DGKD: variants seen among roughly 807,000 people sequenced by gnomAD.
The protein encoded by DGKD is diacylglycerol kinase delta.
Under a neutral mutation model 154.4 loss-of-function variants are expected in DGKD, and 68 were observed. The ratio of observed to expected loss-of-function variants is 0.44; its 90% CI spans 0.36 to 0.54. The LOEUF is 0.54. Ranked by LOEUF, DGKD falls within the 20% of genes least tolerant of loss-of-function variation. The probability of loss-of-function intolerance (pLI) is 0.00; values close to 1 mark genes in which losing one functional copy is unlikely to be tolerated. For synonymous variants in DGKD, 693 were observed against 638.0 expected, an observed-to-expected ratio of 1.09 and a Z score of -1.30; for missense variants, 1,343 against 1,593.6, an observed-to-expected ratio of 0.84 and a Z score of 2.68.
At chr2:233,397,755 AG>A (rs2061454921) in intron 3 of DGKD, among the ~76,000 whole-genome samples, 1 of 151,196 alleles carries the variant, frequency 6.6e-6, no homozygotes, top group South Asian at 2.1e-4. Context: ...AAGGGGAGGG[AG>A]GTTTGTAGGA....
chr2:233,449,401 G>T lies in DGKD; in HGVS notation c.1888+25G>T. ...GGTAACTGGCCTTGTGATGAGGAGGGGCTTTCCTCAGGCCAGCACTGGGCA... is the reference window on the plus strand; with the variant it reads ...GGTAACTGGCCTTGTGATGAGGAGGTGCTTTCCTCAGGCCAGCACTGGGCA... On this transcript the variant is annotated intron_variant, in intron 15 of 29. Coordinates refer to ENST00000264057, the MANE Select transcript of DGKD (RefSeq NM_152879.3). The surrounding 1 kb of genome is among the most constrained non-coding windows in gnomAD (Gnocchi z 5.3). The T allele has an allele frequency of 1.3e-6, 2 of 1,579,094 alleles. No individual in the cohort carries two copies. Among genetic ancestry groups the T allele is most frequent in the Non-Finnish European group, 1.7e-6 (2 of 1,155,484 alleles).
rs962637395 is a variant in DGKD, at chr2:233,441,853, A to G, written c.1086-34A>G. Reference sequence around the variant, plus strand: ...GCCTGTCATTTGTCCTGTGGAATGGATGTCATTTCACGGCCTTTCTCTTTT... The same window carrying G: ...GCCTGTCATTTGTCCTGTGGAATGGGTGTCATTTCACGGCCTTTCTCTTTT... On this transcript the variant is annotated intron_variant, in intron 9 of 29. Coordinates refer to ENST00000264057, the MANE Select transcript of DGKD (RefSeq NM_152879.3). The surrounding 1 kb of genome is among the most constrained non-coding windows in gnomAD (Gnocchi z 5.6). 87 of 1,422,498 alleles carry G rather than the reference A, an allele frequency of 6.1e-5. No homozygotes were observed. The highest frequency in any genetic ancestry group is 7.7e-5 in the Non-Finnish European group (78 of 1,009,152). 88.1% of individuals were successfully genotyped at this position (1,422,498 alleles called of 1,614,324 possible). A position where few individuals can be genotyped will look rare whatever the true frequency, so the allele number is the denominator to read the frequency against.
Position 233,460,097 on chromosome 2 carries a change from C to T in DGKD, c.2830-97C>T, listed in dbSNP as rs6725412. ...AAAAAAAAAAAAGTCCTATTTGTCT[C>T]TTTCTAGTTGTGATCTCGTTGGCAT... On this transcript the variant is annotated intron_variant, in intron 23 of 29. Transcript: ENST00000264057. 6,003 of 1,516,136 alleles carry T rather than the reference C, an allele frequency of 4.0e-3. 213 individuals carry two copies. In the African/African-American group the frequency reaches 0.075, roughly 19 times the overall value. 93.9% of individuals were successfully genotyped at this position (1,516,136 alleles called of 1,614,324 possible). A position where few individuals can be genotyped will look rare whatever the true frequency, so the allele number is the denominator to read the frequency against.
rs553377934 is a variant in DGKD, at chr2:233,440,676, G to A, written c.1086-1211G>A. Among the ~76,000 whole-genome samples, 5 of 152,328 alleles carry A rather than the reference G, an allele frequency of 3.3e-5. No individual in the cohort carries two copies. The highest frequency in any genetic ancestry group is 1.2e-4 in the African/African-American group (5 of 41,578). ...GGCCAGGCCAGGCAGCAGCAGAAAG[G>A]TGGCACCTGCCGTCAGGGAGGGCTG... On this transcript the variant is annotated intron_variant, in intron 9 of 29. Transcript: ENST00000264057. This position sits in a 1 kb window ranked among gnomAD's most constrained non-coding sequence, Gnocchi z 4.9.
chr2:233,366,324 G>T (rs1177357691), intron 1 of DGKD, among the ~76,000 whole-genome samples: 1 of 152,226 alleles, frequency 6.6e-6, no homozygotes, highest in Non-Finnish European at 1.5e-5. Context: ...TGCAGTGAAA[G>T]ATGCTGGCAG....
At position 233,470,014 on chromosome 2, in the gene DGKD, C is replaced by G. The variant is rs188309228; in HGVS notation, c.*554C>G. 2.0e-5 allele frequency: 3 copies of G among 152,672 alleles called. No homozygotes were observed. In the East Asian group the frequency reaches 5.6e-4, roughly 29 times the overall value. The allele number at this position is 152,672 out of a possible 1,614,324, so 9.5% of individuals were successfully genotyped here. A position where few individuals can be genotyped will look rare whatever the true frequency, so the allele number is the denominator to read the frequency against. On this transcript the variant is annotated 3_prime_UTR_variant, in exon 30 of 30. Coordinates refer to ENST00000264057, the MANE Select transcript of DGKD (RefSeq NM_152879.3). ...TGGTTTGAAAGTAGCATGGATGTTT[C>G]CAGTCTTGTTGATTGTAATTTGACG... is the stretch of plus-strand genomic sequence containing the variant.
At chr2:233,412,879 C>A (rs984312218) in intron 3 of DGKD, among the ~76,000 whole-genome samples, 1 of 152,062 alleles carries the variant, frequency 6.6e-6, no homozygotes, top group Admixed American at 6.5e-5. Context: ...ATTAAAAGGG[C>A]AAATTAAATT....
chr2:233,424,226 T>C (rs2062216487), intron 3 of DGKD, among the ~76,000 whole-genome samples: 1 of 152,192 alleles, frequency 6.6e-6, no homozygotes, highest in Non-Finnish European at 1.5e-5. Context: ...CTTTGATCTT[T>C]TTTGTCATTT....
Position 233,446,741 on chromosome 2 carries a change from TC to T in DGKD, c.1369del (p.Arg457GlyfsTer55). The T allele has an allele frequency of 6.2e-7, 1 of 1,614,016 alleles. No individual in the cohort carries two copies. The highest frequency in any genetic ancestry group is 8.5e-7 in the Non-Finnish European group (1 of 1,180,010). On this transcript the variant is annotated frameshift_variant, in exon 12 of 30. Transcript: ENST00000264057. LOFTEE classifies it high-confidence loss of function. Reference sequence around the variant, plus strand: ...AGCGTCATGGCATACGAGGCCAAGCTCCCCCGGCAGGCCTCCTCCTCTACCG... The same window carrying T: ...AGCGTCATGGCATACGAGGCCAAGCTCCCCGGCAGGCCTCCTCCTCTACCG... ...RWSVMAYEAK[L>X]PRQASSSTVT...
chr2:233,410,313 C>G (rs374591236), intron 3 of DGKD, among the ~76,000 whole-genome samples: 1 of 152,132 alleles, frequency 6.6e-6, no homozygotes, highest in East Asian at 1.9e-4. Flanking sequence ...TGGGGTTTGT[C>G]CTGTGCCCGT....
rs781571982 is a variant in DGKD at position 233,459,837 on chromosome 2, A to G, written c.2775A>G (p.Pro925=). The G allele has an allele frequency of 1.2e-6, 2 of 1,614,124 alleles. No homozygotes were observed. The highest frequency in any genetic ancestry group is 1.7e-6 in the Non-Finnish European group (2 of 1,180,002). ...QVDGEAWVQP[P]GYIRIVHKNR... is the part of the protein sequence containing the mutation. Reference sequence around the variant, plus strand: ...ACGGAGAGGCCTGGGTCCAGCCGCCAGGGTACATTCGGATTGTCCACAAGA... The same window carrying G: ...ACGGAGAGGCCTGGGTCCAGCCGCCGGGGTACATTCGGATTGTCCACAAGA... Residue 925 remains proline, a synonymous_variant, in exon 23 of 30, where the codon CCA becomes CCG. Coordinates refer to ENST00000264057, the MANE Select transcript of DGKD (RefSeq NM_152879.3). This position sits in a 1 kb window ranked among gnomAD's most constrained non-coding sequence, Gnocchi z 5.7.
In DGKD at chr2:233,445,504, G is replaced by A. The variant is rs1037242010; in HGVS notation, c.1195-119G>A. 2 of 1,411,764 alleles carry A rather than the reference G, an allele frequency of 1.4e-6. No individual in the cohort carries two copies. The highest frequency in any genetic ancestry group is 5.0e-5 in the East Asian group (2 of 39,754). 87.5% of individuals were successfully genotyped at this position (1,411,764 alleles called of 1,614,324 possible). On this transcript the variant is annotated intron_variant, in intron 10 of 29. Transcript: ENST00000264057. This position sits in a 1 kb window ranked among gnomAD's most constrained non-coding sequence, Gnocchi z 5.5. The stretch of plus-strand genomic sequence containing the variant: ...GTAATGTGTAAGCTGCGTGGTTTTA[G>A]GTCACGTCCCCACATTGCTAACGTA...
intron 29 of DGKD, among the ~76,000 whole-genome samples, chr2:233,468,887 C>T (rs956444225): frequency 5.9e-5 from 9 of 152,252 alleles, no homozygotes; most frequent in African/African-American, 1.9e-4. Context: ...TGCTCCTGGG[C>T]GGGTGCTGCC....
intron 1 of DGKD, among the ~76,000 whole-genome samples, chr2:233,358,687 A>G (rs1347750799): frequency 6.6e-6 from 1 of 152,196 alleles, no homozygotes; most frequent in African/African-American, 2.4e-5. Context: ...AACTTAGCAT[A>G]ATATTTTTAA....
At chr2:233,380,728 G>A (rs371727764) in intron 1 of DGKD, among the ~76,000 whole-genome samples, 23 of 152,270 alleles carry the variant, frequency 1.5e-4, no homozygotes, top group South Asian at 6.2e-4. Flanking sequence ...TAAGAGAAGC[G>A]TCCTGGCTTT....
chr2:233,423,123 A>G (rs182017102), intron 3 of DGKD, among the ~76,000 whole-genome samples: 331 of 152,278 alleles, frequency 2.2e-3, no homozygotes, highest in African/African-American at 7.2e-3. Flanking sequence ...GTAGTATTCC[A>G]CGGGTGTACC....
At chr2:233,368,130 T>C (rs1296719548) in intron 1 of DGKD, among the ~76,000 whole-genome samples, 2 of 152,178 alleles carry the variant, frequency 1.3e-5, no homozygotes, top group East Asian at 3.8e-4. Context: ...AGCAATTTTA[T>C]TATAAGAGTT....
At chr2:233,450,481 G>A (rs2063239258) in intron 16 of DGKD, among the ~76,000 whole-genome samples, 1 of 152,110 alleles carries the variant, frequency 6.6e-6, no homozygotes, top group African/African-American at 2.4e-5. Flanking sequence ...AGGGAAGGCG[G>A]GTGGGTGAGC....
intron 3 of DGKD, among the ~76,000 whole-genome samples, chr2:233,418,656 A>T (rs1389173807): frequency 2.0e-5 from 3 of 152,192 alleles, no homozygotes; most frequent in Admixed American, 2.0e-4. Flanking sequence ...AGTGGGTCAG[A>T]TGGAGGATGC....
Sources: gnomAD v4.1 joint callset for allele counts (sites outside exome capture counted in the v4.1 genomes callset) on GRCh38, gnomAD v4.1.1 for gene constraint, Gnocchi (gnomAD v3.1) non-coding constraint, MANE v1.5 for transcripts, NCBI Gene and HGNC (gene_info 2026-07-23, HGNC 2026-07-21) for gene names.